EPM2A: variants seen among roughly 807,000 people sequenced by gnomAD.
EPM2A encodes the protein laforin.
A neutral mutation model predicts 26.5 loss-of-function variants in EPM2A; 21 were observed. The observed-to-expected ratio is 0.79, with a 90% confidence interval of 0.56 to 1.14. EPM2A has a LOEUF of 1.14. Among genes scored for constraint, EPM2A ranks in the 50% most tolerant of loss-of-function variants. EPM2A has a pLI of 0.00. For missense variants in EPM2A, 458 were observed against 440.8 expected (o/e 1.04, Z -0.35); for synonymous variants, 217 against 177.6 (o/e 1.22, Z -1.76).
intron 4 of EPM2A, among the ~76,000 whole-genome samples, chr6:145,475,788 T>TA (rs1444051533): frequency 2.6e-5 from 4 of 151,764 alleles, no homozygotes; most frequent in African/African-American, 9.7e-5. Context: ...CCAAAAAACA[T>TA]ACAATGGATA....
intron 4 of EPM2A, chr6:145,491,827 T>A: frequency 1.9e-6 from 1 of 528,284 alleles, no homozygotes; most frequent in South Asian, 1.4e-5. Flanking sequence ...TTTTGCTGTA[T>A]ATGTGAACTG....
chr6:145,405,225 A>G (rs1778550412), intron 4 of EPM2A, among the ~76,000 whole-genome samples: 1 of 152,188 alleles, frequency 6.6e-6, no homozygotes, highest in South Asian at 2.1e-4. Context: ...AGCTCATCTT[A>G]TACCTCTTCC....
chr6:145,385,517 T>C (rs1778248108), intron 4 of EPM2A, among the ~76,000 whole-genome samples: 1 of 152,188 alleles, frequency 6.6e-6, no homozygotes. Context: ...AGTTACCAAA[T>C]CTGGTTGTGA....
At chr6:145,607,075 C>T (rs1173463743) in intron 2 of EPM2A, among the ~76,000 whole-genome samples, 1 of 152,264 alleles carries the variant, frequency 6.6e-6, no homozygotes, top group African/African-American at 2.4e-5. Context: ...CTTCCATGTT[C>T]ACCCTATAAA....
At chr6:145,495,403 C>G (rs1282474762) in intron 4 of EPM2A, among the ~76,000 whole-genome samples, 2 of 151,078 alleles carry the variant, frequency 1.3e-5, no homozygotes, top group Non-Finnish European at 2.9e-5. Context: ...AGATGGGTCT[C>G]TTGAAGACAA....
rs775901680 is a variant in EPM2A at position 145,627,369 on chromosome 6, C to G, written c.*47G>C. 5 of 1,611,860 alleles carry G rather than the reference C, an allele frequency of 3.1e-6. No homozygotes were observed. The highest frequency in any genetic ancestry group is 4.2e-6 in the Non-Finnish European group (5 of 1,180,008). The stretch of plus-strand genomic sequence containing the variant: ...TCTAGGTCATTTGACCAACATCATC[C>G]CAGGCTCCTTAGGGAAATCAGGAGG... On this transcript the variant is annotated 3_prime_UTR_variant, in exon 4 of 4. Coordinates refer to ENST00000367519, the MANE Select transcript of EPM2A (RefSeq NM_005670.4).
intron 2 of EPM2A, among the ~76,000 whole-genome samples, chr6:145,642,864 G>C (rs1289376775): frequency 6.6e-6 from 1 of 152,150 alleles, no homozygotes; most frequent in East Asian, 1.9e-4. Context: ...TGATATGCTA[G>C]GGAATTTATA....
At chr6:145,508,849 C>A (rs908185891) in intron 2 of EPM2A, among the ~76,000 whole-genome samples, 1 of 152,052 alleles carries the variant, frequency 6.6e-6, no homozygotes, top group Non-Finnish European at 1.5e-5. Flanking sequence ...AACAAGCCAG[C>A]AAAATGATCA....
At chr6:145,538,604 A>G (rs2114791781) in intron 2 of EPM2A, among the ~76,000 whole-genome samples, 1 of 152,368 alleles carries the variant, frequency 6.6e-6, no homozygotes, top group South Asian at 2.1e-4. Context: ...ACAAAGGCAC[A>G]GGCCAACATA....
chr6:145,591,324 A>G (rs1423728760), intron 2 of EPM2A, among the ~76,000 whole-genome samples: 4 of 152,210 alleles, frequency 2.6e-5, no homozygotes, highest in African/African-American at 9.6e-5. Context: ...GGAATTAATG[A>G]CAGACATCAA....
intron 4 of EPM2A, among the ~76,000 whole-genome samples, chr6:145,413,547 C>T (rs1478082949): frequency 6.6e-6 from 1 of 152,090 alleles, no homozygotes; most frequent in Non-Finnish European, 1.5e-5. Context: ...ATCATCTCTA[C>T]CATATCTCCA....
intron 4 of EPM2A, among the ~76,000 whole-genome samples, chr6:145,438,363 T>C (rs1393975948): frequency 1.3e-5 from 2 of 152,134 alleles, no homozygotes; most frequent in Non-Finnish European, 2.9e-5. Context: ...TTGGCTATTA[T>C]ATTCTGAGTC....
intron 4 of EPM2A, among the ~76,000 whole-genome samples, chr6:145,481,923 T>C (rs1779615307): frequency 6.6e-6 from 1 of 151,416 alleles, no homozygotes; most frequent in Admixed American, 6.6e-5. Context: ...AATACATAAA[T>C]AAGGACCAAA....
At chr6:145,432,043 G>A (rs1778929679) in intron 4 of EPM2A, among the ~76,000 whole-genome samples, 1 of 152,136 alleles carries the variant, frequency 6.6e-6, no homozygotes, top group Admixed American at 6.5e-5. Flanking sequence ...GTTTTATCAT[G>A]AGATTGCAGC....
chr6:145,735,605 G>C (rs950165244), upstream of EPM2A: 2 of 1,081,126 alleles, frequency 1.8e-6, no homozygotes, highest in Non-Finnish European at 2.2e-6. Flanking sequence ...TGGGAGCCCC[G>C]GGCACCGGGG....
chr6:145,421,612 C>A, intron 4 of EPM2A, among the ~76,000 whole-genome samples: 1 of 150,008 alleles, frequency 6.7e-6, no homozygotes, highest in Admixed American at 6.6e-5. Context: ...TAAAAAAAAG[C>A]AGGAGAAAAA....
chr6:145,505,537 TATTCA>T, intron 2 of EPM2A, among the ~76,000 whole-genome samples: 1 of 46,020 alleles, frequency 2.2e-5, no homozygotes, highest in Non-Finnish European at 5.1e-5. Context: ...TTAACAATAT[TATTCA>T]GTAATATTAT....
Position 145,708,267 on chromosome 6 carries a change from C to G in EPM2A, c.302-21971G>C, listed in dbSNP as rs1484357233. ...TCTGGGGAAAAAATCCAGCTGGCTA[C>G]AGAAATTTTCATAAGTAATGATGAG... is the stretch of plus-strand genomic sequence containing the variant. On this transcript the variant is annotated intron_variant, in intron 1 of 3. Coordinates refer to ENST00000367519, the MANE Select transcript of EPM2A (RefSeq NM_005670.4). Among the ~76,000 whole-genome samples, 3 of 152,288 alleles carry G rather than the reference C, an allele frequency of 2.0e-5. No homozygotes were observed. The South Asian group carries it at 6.2e-4, about 32-fold the overall frequency.
chr6:145,457,954 A>G (rs1779282727), intron 4 of EPM2A, among the ~76,000 whole-genome samples: 1 of 152,248 alleles, frequency 6.6e-6, no homozygotes, highest in Non-Finnish European at 1.5e-5. Context: ...TATGAAATCT[A>G]TGTAACTTGT....
Sources: gnomAD v4.1 joint callset for allele counts (sites outside exome capture counted in the v4.1 genomes callset) on GRCh38, gnomAD v4.1.1 for gene constraint, MANE v1.5 for transcripts, NCBI Gene and HGNC (gene_info 2026-07-23, HGNC 2026-07-21) for gene names.